LRP1B: variants seen among roughly 807,000 people sequenced by gnomAD.
The protein encoded by LRP1B is LDL receptor related protein 1B, also known as low-density lipoprotein receptor-related protein 1B.
LRP1B carries 217 observed loss-of-function variants against 556.6 expected under a neutral mutation model. The observed-to-expected ratio is 0.39, with a 90% confidence interval of 0.35 to 0.44. The LOEUF (loss-of-function observed/expected upper bound fraction) is 0.44. Ranked by LOEUF, LRP1B falls within the 20% of genes least tolerant of loss-of-function variation. The pLI is 1.00. For missense variants in LRP1B, 5,053 were observed against 5,620.8 expected, an observed-to-expected ratio of 0.90 and a Z score of 3.23; for synonymous variants, 2,047 against 1,865.8, an observed-to-expected ratio of 1.10 and a Z score of -2.50.
intron 1 of LRP1B, among the ~76,000 whole-genome samples, chr2:142,052,673 C>G (rs1184859986): frequency 6.6e-6 from 1 of 152,040 alleles, no homozygotes; most frequent in East Asian, 1.9e-4. Context: ...CTGTTTTTCC[C>G]TACCACTCTC....
At chr2:140,731,996 A>G (rs2105500780) in intron 35 of LRP1B, among the ~76,000 whole-genome samples, 1 of 152,278 alleles carries the variant, frequency 6.6e-6, no homozygotes, top group South Asian at 2.1e-4. Context: ...AATACTTAAA[A>G]TTACAAAAAA....
In LRP1B at chr2:140,430,198, T is replaced by C. The variant is rs923333198; in HGVS notation, c.10414+12306A>G. 2.4e-4 allele frequency among the ~76,000 whole-genome samples: 36 copies of C among 152,202 alleles called. 1 individual carries two copies. Among genetic ancestry groups the C allele is most frequent in the African/African-American group, 7.0e-4 (29 of 41,456 alleles). On this transcript the variant is annotated intron_variant, in intron 66 of 90. Coordinates refer to ENST00000389484, the MANE Select transcript of LRP1B (RefSeq NM_018557.3). ...GCTGTAGTATCTTCCACATCTATCA[T>C]TGAGGCTACCCCTCTGCCCCCATCC...
intron 43 of LRP1B, among the ~76,000 whole-genome samples, chr2:140,558,771 C>T (rs1163105240): frequency 6.6e-6 from 1 of 151,324 alleles, no homozygotes. Flanking sequence ...ACAACCTCTA[C>T]AAAAAATACA....
At chr2:141,185,697 C>CA (rs533419513) in intron 7 of LRP1B, among the ~76,000 whole-genome samples, 13,299 of 77,660 alleles carry the variant, frequency 0.17, 827 homozygotes, top group South Asian at 0.24. Flanking sequence ...CAAAAAAAAA[C>CA]AAAAAAAAAA....
chr2:140,340,772 G>A (rs564503107), intron 77 of LRP1B, among the ~76,000 whole-genome samples: 177 of 150,690 alleles, frequency 1.2e-3, no homozygotes, highest in Middle Eastern at 3.4e-3. Flanking sequence ...TTGGTATATC[G>A]AAACCAGGCT....
At chr2:141,241,888 T>C (rs1400785819) in intron 5 of LRP1B, among the ~76,000 whole-genome samples, 1 of 151,686 alleles carries the variant, frequency 6.6e-6, no homozygotes, top group African/African-American at 2.4e-5. Context: ...TACGGCTCAA[T>C]GAAATAATAA....
intron 7 of LRP1B, among the ~76,000 whole-genome samples, chr2:141,131,366 C>T (rs1701347539): frequency 7.3e-6 from 1 of 137,074 alleles, no homozygotes; most frequent in Non-Finnish European, 1.5e-5. Flanking sequence ...AATACAAATA[C>T]TATGCTATTA....
chr2:142,017,445 G>A (rs1252165533), intron 1 of LRP1B, among the ~76,000 whole-genome samples: 1 of 152,056 alleles, frequency 6.6e-6, no homozygotes, highest in Admixed American at 6.6e-5. Context: ...TGCATTCTAG[G>A]ATTACCTGAT....
intron 1 of LRP1B, among the ~76,000 whole-genome samples, chr2:141,938,535 C>A (rs566017299): frequency 2.1e-4 from 32 of 152,036 alleles, no homozygotes; most frequent in Admixed American, 1.9e-3. Context: ...TATGGAGAGT[C>A]CTCAACAAGC....
At chr2:141,402,737 T>C (rs1250269839) in intron 3 of LRP1B, among the ~76,000 whole-genome samples, 2 of 152,148 alleles carry the variant, frequency 1.3e-5, no homozygotes, top group African/African-American at 4.8e-5. Context: ...TAAGAGAGAT[T>C]GTTCACAGAT....
At chr2:142,021,146 C>T (rs1282980781) in intron 1 of LRP1B, among the ~76,000 whole-genome samples, 1 of 152,106 alleles carries the variant, frequency 6.6e-6, no homozygotes, top group Non-Finnish European at 1.5e-5. Context: ...TTGGCATTCC[C>T]ATATGCACCT....
intron 35 of LRP1B, among the ~76,000 whole-genome samples, chr2:140,723,909 GAAC>G (rs926255070): frequency 1.4e-4 from 22 of 152,218 alleles, no homozygotes; most frequent in Middle Eastern, 3.4e-3. Flanking sequence ...ACAAGAAGGA[GAAC>G]AACAACAACT....
chr2:141,449,081 T>C (rs1237908656), intron 3 of LRP1B, among the ~76,000 whole-genome samples: 1 of 152,258 alleles, frequency 6.6e-6, no homozygotes, highest in South Asian at 2.1e-4. Flanking sequence ...ATGTGAAATC[T>C]TCCTTTCCTT....
At chr2:141,692,756 T>C (rs1043215046) in intron 2 of LRP1B, among the ~76,000 whole-genome samples, 3 of 152,040 alleles carry the variant, frequency 2.0e-5, no homozygotes, top group Non-Finnish European at 1.5e-5. Flanking sequence ...GGCTATATGG[T>C]GCAGCCTGAT....
intron 7 of LRP1B, among the ~76,000 whole-genome samples, chr2:141,103,819 AC>A (rs1700530977): frequency 6.6e-6 from 1 of 151,816 alleles, no homozygotes; most frequent in South Asian, 2.1e-4. Context: ...TTTAAAGTGC[AC>A]AAAAATGCTG....
rs59651364 is a variant in LRP1B at position 140,659,098 on chromosome 2, G to GTTTT, written c.6799+41148_6799+41151dup. On this transcript the variant is annotated intron_variant, in intron 41 of 90. Coordinates refer to ENST00000389484, the MANE Select transcript of LRP1B (RefSeq NM_018557.3). ...TGGGTTGTCCCTAAACTGTAAATCTGTTTTTTTTTTTTTTTTTTTTTTTTT... is the reference window on the plus strand; with the variant it reads ...TGGGTTGTCCCTAAACTGTAAATCTGTTTTTTTTTTTTTTTTTTTTTTTTTTTTT... 4.1e-4 allele frequency among the ~76,000 whole-genome samples: 25 copies of GTTTT among 61,134 alleles called. 5 individuals are homozygous for GTTTT. Among genetic ancestry groups the GTTTT allele is most frequent in the East Asian group, 3.1e-3 (4 of 1,288 alleles). 40.1% of individuals were successfully genotyped at this position (61,134 alleles called of 152,430 possible). A position where few individuals can be genotyped will look rare whatever the true frequency, so the allele number is the denominator to read the frequency against.
intron 63 of LRP1B, among the ~76,000 whole-genome samples, chr2:140,447,853 AT>A (rs1421805180): frequency 1.3e-5 from 2 of 151,988 alleles, no homozygotes; most frequent in Middle Eastern, 6.3e-3. Context: ...AGTTGACCTA[AT>A]TTTAGTATTG....
intron 1 of LRP1B, among the ~76,000 whole-genome samples, chr2:142,113,927 C>A (rs1000906893): frequency 7.2e-5 from 11 of 152,096 alleles, no homozygotes; most frequent in Non-Finnish European, 1.5e-4. Context: ...TAACTGATAA[C>A]AATGCCCTTT....
chr2:140,865,425 A>G (rs1474944801), intron 27 of LRP1B, among the ~76,000 whole-genome samples: 1 of 151,816 alleles, frequency 6.6e-6, no homozygotes, highest in African/African-American at 2.4e-5. Flanking sequence ...ACGGGCTATT[A>G]TTATTGTATT....
Sources: gnomAD v4.1 joint callset for allele counts (sites outside exome capture counted in the v4.1 genomes callset) on GRCh38, gnomAD v4.1.1 for gene constraint, MANE v1.5 for transcripts, NCBI Gene and HGNC (gene_info 2026-07-23, HGNC 2026-07-21) for gene names.